The following ATP8B4 variants were observed in gnomAD, a reference collection of about 807,000 sequenced individuals.
ATP8B4 encodes the protein ATPase phospholipid transporting 8B4 (putative), also known as probable phospholipid-transporting ATPase IM.
A neutral mutation model predicts 145.6 loss-of-function variants in ATP8B4; 133 were observed. That is an observed-to-expected ratio of 0.91 (90% confidence interval 0.79 to 1.05). The LOEUF (loss-of-function observed/expected upper bound fraction) is 1.05, where lower values mean the gene tolerates loss of function less well. Among genes scored for constraint, ATP8B4 ranks in the 50% least tolerant of loss-of-function variants. The pLI is 0.00. For synonymous variants in ATP8B4, 507 were observed against 492.9 expected (o/e 1.03, Z -0.38); for missense variants, 1,458 against 1,425.2 (o/e 1.02, Z -0.37).
intron 23 of ATP8B4, among the ~76,000 whole-genome samples, chr15:49,888,424 T>C (rs1191612703): frequency 1.4e-5 from 2 of 140,460 alleles, no homozygotes; most frequent in Non-Finnish European, 1.7e-5. Context: ...CACAGTAGAA[T>C]TGAAGAAAAA....
At chr15:49,871,986 G>A (rs927771349) in intron 25 of ATP8B4, among the ~76,000 whole-genome samples, 6 of 152,164 alleles carry the variant, frequency 3.9e-5, no homozygotes, top group African/African-American at 1.4e-4. Flanking sequence ...ACCCTGTAAC[G>A]TGGCAAAGTG....
intron 1 of ATP8B4, among the ~76,000 whole-genome samples, chr15:50,168,632 TTC>T (rs1008605956): frequency 2.0e-4 from 30 of 152,228 alleles, no homozygotes; most frequent in African/African-American, 7.2e-4. Flanking sequence ...GGAGAAGGAA[TTC>T]TCTAGTTAAA....
At chr15:50,172,876 C>G (rs553939563) in intron 1 of ATP8B4, among the ~76,000 whole-genome samples, 1 of 151,430 alleles carries the variant, frequency 6.6e-6, no homozygotes, top group African/African-American at 2.4e-5. Flanking sequence ...CCGGCCGCCC[C>G]GTCTGAGAAG....
At chr15:49,875,289 A>G (rs1265846917) in intron 25 of ATP8B4, among the ~76,000 whole-genome samples, 3 of 152,200 alleles carry the variant, frequency 2.0e-5, no homozygotes, top group Non-Finnish European at 2.9e-5. Context: ...TACCTTTCAA[A>G]TAATCTCTTG....
chr15:50,159,766 T>C (rs1030286797), intron 1 of ATP8B4, among the ~76,000 whole-genome samples: 5 of 152,216 alleles, frequency 3.3e-5, no homozygotes, highest in Admixed American at 2.0e-4. Flanking sequence ...ATTGATACGA[T>C]GTACCACATT....
chr15:49,878,242 G>C (rs1427672834), intron 24 of ATP8B4, among the ~76,000 whole-genome samples: 2 of 152,186 alleles, frequency 1.3e-5, no homozygotes, highest in Non-Finnish European at 2.9e-5. Flanking sequence ...TGTAAACATG[G>C]GCGCTGAGAA....
chr15:50,053,093 G>A lies in ATP8B4; in HGVS notation c.88-5629C>T, dbSNP rs540955523. On this transcript the variant is annotated intron_variant, in intron 3 of 27. Coordinates refer to ENST00000284509, the MANE Select transcript of ATP8B4 (RefSeq NM_024837.4). ...GGATCAGGGTGGGGACAGAAGGAAC[G>A]ACCATGAATGGTAATAATTACTGAC... Among the ~76,000 whole-genome samples, 140 of 152,280 alleles carry A rather than the reference G, an allele frequency of 9.2e-4. 1 individual carries two copies. Among genetic ancestry groups the A allele is most frequent in the African/African-American group, 3.2e-3 (133 of 41,560 alleles).
At chr15:49,973,233 A>G (rs1157894070) in intron 12 of ATP8B4, among the ~76,000 whole-genome samples, 1 of 152,192 alleles carries the variant, frequency 6.6e-6, no homozygotes, top group African/African-American at 2.4e-5. Context: ...ATTAATGTGC[A>G]CTTTATTTCT....
At chr15:50,099,766 C>T (rs576204868) in intron 2 of ATP8B4, among the ~76,000 whole-genome samples, 3 of 152,188 alleles carry the variant, frequency 2.0e-5, no homozygotes, top group South Asian at 4.2e-4. Flanking sequence ...ATGCCAGGCG[C>T]GGTGGCTCAC....
chr15:50,167,637 C>T lies in ATP8B4; in HGVS notation c.-43+14624G>A, dbSNP rs116969689. ...ACACATCTTTTTTTGGAGGGCAGCG[C>T]GAGACACATTTGATCCACTACACTT... On this transcript the variant is annotated intron_variant, in intron 1 of 3. Coordinates refer to the ATP8B4 transcript ENST00000558829. 6.8e-3 allele frequency among the ~76,000 whole-genome samples: 1,033 copies of T among 152,218 alleles called. 7 individuals are homozygous for T. The highest frequency in any genetic ancestry group is 0.011 in the Non-Finnish European group (772 of 68,024).
chr15:50,126,502 C>T (rs1008343131), intron 1 of ATP8B4, among the ~76,000 whole-genome samples: 8 of 152,084 alleles, frequency 5.3e-5, no homozygotes, highest in Non-Finnish European at 1.2e-4. Context: ...GGTGGAGGTC[C>T]GAGTTTCTGA....
At chr15:50,027,454 C>T (rs1008777408) in intron 6 of ATP8B4, among the ~76,000 whole-genome samples, 5 of 151,476 alleles carry the variant, frequency 3.3e-5, no homozygotes, top group Non-Finnish European at 7.4e-5. Context: ...CCTATAAAAC[C>T]TCTATCATAT....
chr15:50,070,101 C>A (rs1294455369), intron 3 of ATP8B4, among the ~76,000 whole-genome samples: 1 of 152,128 alleles, frequency 6.6e-6, no homozygotes, highest in African/African-American at 2.4e-5. Flanking sequence ...GTGCTTAGAA[C>A]CATGCCTTTC....
chr15:49,867,334 C>A (rs1003890881), intron 25 of ATP8B4, among the ~76,000 whole-genome samples: 1 of 152,156 alleles, frequency 6.6e-6, no homozygotes, highest in African/African-American at 2.4e-5. Flanking sequence ...TAAATAGATC[C>A]CTCTCAACAT....
chr15:50,150,096 G>A (rs1275527510), intron 1 of ATP8B4, among the ~76,000 whole-genome samples: 6 of 150,234 alleles, frequency 4.0e-5, no homozygotes, highest in African/African-American at 1.5e-4. Flanking sequence ...GCAAGACTCC[G>A]TCCCAAAAAA....
chr15:50,172,982 G>T (rs530833627), intron 1 of ATP8B4, among the ~76,000 whole-genome samples: 2 of 147,652 alleles, frequency 1.4e-5, no homozygotes, highest in Non-Finnish European at 3.0e-5. Flanking sequence ...GGCAGCCCCC[G>T]CCCGGCCAGC....
intron 1 of ATP8B4, among the ~76,000 whole-genome samples, chr15:50,108,850 G>T (rs565495369): frequency 3.9e-5 from 6 of 152,198 alleles, no homozygotes; most frequent in African/African-American, 1.4e-4. Context: ...TTAGGACAAG[G>T]CTCCATAGCT....
chr15:49,906,872 C>T (rs774134869), intron 20 of ATP8B4, among the ~76,000 whole-genome samples: 7 of 152,218 alleles, frequency 4.6e-5, no homozygotes, highest in Admixed American at 2.6e-4. Context: ...TAAAAAAAGC[C>T]GGGGTCCTGA....
intron 13 of ATP8B4, among the ~76,000 whole-genome samples, chr15:49,969,628 T>G (rs2044896902): frequency 6.6e-6 from 1 of 152,076 alleles, no homozygotes; most frequent in South Asian, 2.1e-4. Flanking sequence ...GAGGCAGTAA[T>G]TAATAGCCTA....
Sources: allele counts gnomAD v4.1 joint callset (sites outside exome capture counted in the v4.1 genomes callset), GRCh38; gene constraint gnomAD v4.1.1; transcripts MANE v1.5; gene names NCBI Gene and HGNC (gene_info 2026-07-23, HGNC 2026-07-21).